Variants in QSOX2 observed in about 807,000 individuals in gnomAD.
QSOX2 encodes the protein quiescin sulfhydryl oxidase 2.
A neutral mutation model predicts 61.7 loss-of-function variants in QSOX2; 46 were observed. The observed-to-expected ratio is 0.75, with a 90% CI of 0.59 to 0.95. QSOX2 has a LOEUF of 0.95. Among genes scored for constraint, QSOX2 ranks in the 40% least tolerant of loss-of-function variants. QSOX2 has a pLI of 0.00. For synonymous variants in QSOX2, 383 were observed against 388.4 expected, an observed-to-expected ratio of 0.99 and a Z score of 0.16; for missense variants, 879 against 918.9, an observed-to-expected ratio of 0.96 and a Z score of 0.56.
intron 2 of QSOX2, 73 bp from the exon 3 acceptor site, chr9:136,224,982 G>A: frequency 2.7e-6 from 3 of 1,093,622 alleles, no homozygotes; most frequent in East Asian, 2.5e-5. Context: ...GCAACAAAAC[G>A]CCCGTCACCT....
rs9696646 is a variant in QSOX2 at position 136,210,101 on chromosome 9, G to T, written c.1550-826C>A. Reference sequence around the variant, plus strand: ...CCAGTCACTGACTGCGTGCTTATCCGGCCAACCGGCAGCAGGTGCTGCACA... The same window carrying T: ...CCAGTCACTGACTGCGTGCTTATCCTGCCAACCGGCAGCAGGTGCTGCACA... On this transcript the variant is annotated intron_variant, in intron 11 of 11. Coordinates refer to ENST00000358701, the MANE Select transcript of QSOX2 (RefSeq NM_181701.4). 8,427 of 985,430 alleles carry T rather than the reference G, an allele frequency of 8.6e-3. 579 individuals are homozygous for T. In the African/African-American group the frequency reaches 0.13, roughly 16 times the overall value. 61.0% of individuals were successfully genotyped at this position (985,430 alleles called of 1,614,324 possible).
rs1830465110 is a variant in QSOX2, at chr9:136,245,482, C to A, written c.322G>T (p.Val108Leu). Residue 108 changes from valine to leucine, a missense_variant, in exon 1 of 12, where the codon GTG becomes TTG. Val to Leu is a conservative substitution (Grantham distance 32, BLOSUM62 1). Coordinates refer to ENST00000358701, the MANE Select transcript of QSOX2 (RefSeq NM_181701.4). ...APTWRALAGDVRDWASAIRVA... is the reference protein window; with the variant it reads ...APTWRALAGDLRDWASAIRVA... The stretch of plus-strand genomic sequence containing the variant: ...GCGCGGGGGCGCGCCTCACCTCGCA[C>A]ATCCCCAGCCAGGGCCCGCCAAGTG... 1.3e-6 allele frequency: 2 copies of A among 1,590,936 alleles called. No individual in the cohort carries two copies. The highest frequency in any genetic ancestry group is 1.4e-5 in the African/African-American group (1 of 73,836).
At chr9:136,215,396 G>A (rs1329857386) in intron 9 of QSOX2, 92 bp from the exon 10 acceptor site, 10 of 829,876 alleles carry the variant, frequency 1.2e-5, no homozygotes, top group African/African-American at 7.2e-5. Context: ...ACTGGGGGGG[G>A]TGGATAATGG....
intron 1 of QSOX2, among the ~76,000 whole-genome samples, chr9:136,245,049 A>C (rs782009146): frequency 2.0e-5 from 3 of 152,160 alleles, no homozygotes; most frequent in Non-Finnish European, 4.4e-5. Flanking sequence ...AATTCTGGGC[A>C]CTGGGGATGG....
At position 136,222,008 on chromosome 9, in the gene QSOX2, G is replaced by A; in HGVS notation, c.676-67C>T. The A allele has an allele frequency of 6.8e-7, 1 of 1,468,272 alleles. No homozygotes were observed. The highest frequency in any genetic ancestry group is 9.1e-7 in the Non-Finnish European group (1 of 1,096,540). 91.0% of individuals were successfully genotyped at this position (1,468,272 alleles called of 1,614,324 possible). ...AGTTTCTCAGAAAACACGACGTGCAGACACATGGCCTTGCAGGGAACCTTT... is the reference window on the plus strand; with the variant it reads ...AGTTTCTCAGAAAACACGACGTGCAAACACATGGCCTTGCAGGGAACCTTT... On this transcript the variant is annotated intron_variant, in intron 5 of 11. Transcript: ENST00000358701. This position sits in a 1 kb window ranked among gnomAD's most constrained non-coding sequence, Gnocchi z 6.9.
chr9:136,219,653 C>G (rs1831958053), intron 6 of QSOX2, among the ~76,000 whole-genome samples: 1 of 152,072 alleles, frequency 6.6e-6, no homozygotes, highest in Non-Finnish European at 1.5e-5. Context: ...TGGAGCTGAG[C>G]CCCCTGTGTG....
Position 136,208,884 on chromosome 9 carries a change from C to T in QSOX2, c.1941G>A (p.Gly647=). ...AGTCAACCCCGAGGAAGGGTGCGGC[C>T]CCGCCCACCTCCTTGTGGGCCCCGG... is the stretch of plus-strand genomic sequence containing the variant. ...DGPGAHKEVG[G]AAPFLGVDFS... The change falls in exon 12 of 12, where the codon GGG becomes GGA. Residue 647 remains glycine, a synonymous_variant. Transcript: ENST00000358701. 1 of 1,613,994 alleles carries T rather than the reference C, an allele frequency of 6.2e-7. No individual in the cohort carries two copies. The highest frequency in any genetic ancestry group is 8.5e-7 in the Non-Finnish European group (1 of 1,180,028).
In QSOX2 at chr9:136,215,281, A is replaced by G; in HGVS notation, c.1233T>C (p.Asn411=). The G allele has an allele frequency of 6.2e-7, 1 of 1,613,734 alleles. No homozygotes were observed. The highest frequency in any genetic ancestry group is 8.5e-7 in the Non-Finnish European group (1 of 1,179,928). Residue 411 remains asparagine, a synonymous_variant, in exon 10 of 12, where the codon AAT becomes AAC. Coordinates refer to ENST00000358701, the MANE Select transcript of QSOX2 (RefSeq NM_181701.4). ...KMRISGIFLT[N]HIKWVGCQGS... ...CTTGACATCCAACCCACTTTATGTG[A>G]TTAGTAAGGAATATTCCAGAAATCT...
chr9:136,232,691 T>C (rs1226517204), intron 1 of QSOX2, among the ~76,000 whole-genome samples: 1 of 152,020 alleles, frequency 6.6e-6, no homozygotes, highest in Admixed American at 6.6e-5. Flanking sequence ...CCAAGCACTT[T>C]GTGAGGCTGA....
chr9:136,215,112 G>A, intron 10 of QSOX2, 42 bp downstream of exon 10: 1 of 1,596,708 alleles, frequency 6.3e-7, no homozygotes, highest in Middle Eastern at 1.7e-4. Context: ...TAACTTGTTA[G>A]GCAGACCATC....
intron 10 of QSOX2, among the ~76,000 whole-genome samples, chr9:136,212,047 C>A (rs996215936): frequency 1.3e-5 from 2 of 152,252 alleles, no homozygotes; most frequent in Non-Finnish European, 2.9e-5. Flanking sequence ...TGGGCAGGCA[C>A]AGGGACGGGT....
chr9:136,218,897 AG>A, intron 7 of QSOX2, 89 bp from the exon 8 acceptor site: 1 of 1,574,262 alleles, frequency 6.4e-7, no homozygotes, highest in Non-Finnish European at 8.6e-7. Flanking sequence ...ACGGACTCCC[AG>A]GGCCCCTGGG....
At position 136,208,146 on chromosome 9, in the gene QSOX2, G is replaced by C. The variant is rs549886050; in HGVS notation, c.*582C>G. 19 of 151,594 alleles carry C rather than the reference G, an allele frequency of 1.3e-4. No homozygotes were observed. Among genetic ancestry groups the C allele is most frequent in the African/African-American group, 4.6e-4 (19 of 41,056 alleles). 9.4% of individuals were successfully genotyped at this position (151,594 alleles called of 1,614,324 possible). A position where few individuals can be genotyped will look rare whatever the true frequency, so the allele number is the denominator to read the frequency against. ...CCTAGGGAAGCAGCTACAAACACAGGATAGTCCCTGGAGCACTTGCTTGGA... is the reference window on the plus strand; with the variant it reads ...CCTAGGGAAGCAGCTACAAACACAGCATAGTCCCTGGAGCACTTGCTTGGA... On this transcript the variant is annotated 3_prime_UTR_variant, in exon 12 of 12. Coordinates refer to ENST00000358701, the MANE Select transcript of QSOX2 (RefSeq NM_181701.4).
At chr9:136,234,509 T>C (rs2131066104) in intron 1 of QSOX2, among the ~76,000 whole-genome samples, 1 of 152,306 alleles carries the variant, frequency 6.6e-6, no homozygotes, top group Non-Finnish European at 1.5e-5. Context: ...CGCACCATCC[T>C]AGAGCAACGG....
rs1204183369 is a variant in QSOX2 at position 136,208,931 on chromosome 9, T to C, written c.1894A>G (p.Lys632Glu). ...CCGGGCCCATCCAGACTCTGGAGTTTCCCGTCCAAGCTGTGATGCAAGCTC... is the reference window on the plus strand; with the variant it reads ...CCGGGCCCATCCAGACTCTGGAGTTCCCCGTCCAAGCTGTGATGCAAGCTC... ...PESLHHSLDGKLQSLDGPGAH... is the reference protein window; with the variant it reads ...PESLHHSLDGELQSLDGPGAH... Residue 632 changes from lysine to glutamate, a missense_variant, in exon 12 of 12, where the codon AAA becomes GAA. By Grantham distance (56) the Lys-to-Glu change is moderately conservative. Transcript: ENST00000358701. 2.5e-6 allele frequency: 4 copies of C among 1,613,764 alleles called. No individual in the cohort carries two copies. Among genetic ancestry groups the C allele is most frequent in the Non-Finnish European group, 3.4e-6 (4 of 1,179,904 alleles).
chr9:136,226,240 C>G (rs1830278869), intron 2 of QSOX2, among the ~76,000 whole-genome samples: 1 of 152,238 alleles, frequency 6.6e-6, no homozygotes, highest in African/African-American at 2.4e-5. Context: ...CCCGCAGGTA[C>G]ACACATGCTA....
chr9:136,217,505 G>C (rs977187567), intron 8 of QSOX2, among the ~76,000 whole-genome samples: 1 of 152,162 alleles, frequency 6.6e-6, no homozygotes, highest in Non-Finnish European at 1.5e-5. Flanking sequence ...ATTTTCTCCC[G>C]TGCAGGTTAA....
intron 1 of QSOX2, among the ~76,000 whole-genome samples, chr9:136,234,997 AC>A (rs1404857600): frequency 6.6e-6 from 1 of 151,944 alleles, no homozygotes; most frequent in African/African-American, 2.4e-5. Flanking sequence ...ATCTGAGTCT[AC>A]CCTGACCGCT....
chr9:136,230,178 C>G lies in QSOX2; in HGVS notation c.329-3304G>C, dbSNP rs552537432. On this transcript the variant is annotated intron_variant, in intron 1 of 11. Transcript: ENST00000358701. ...CCTGTAGTCCCAGCTACTTGGGAAG[C>G]TGAGGCAAGAGAATGGCATGAACCC... is the stretch of plus-strand genomic sequence containing the variant. Among the ~76,000 whole-genome samples, 237 of 152,326 alleles carry G rather than the reference C, an allele frequency of 1.6e-3. 1 individual carries two copies. Among genetic ancestry groups the G allele is most frequent in the Non-Finnish European group, 2.8e-3 (191 of 68,038 alleles).
Sources: allele counts gnomAD v4.1 joint callset (sites outside exome capture counted in the v4.1 genomes callset), GRCh38; gene constraint gnomAD v4.1.1; non-coding constraint Gnocchi (gnomAD v3.1); transcripts MANE v1.5; gene names NCBI Gene and HGNC (gene_info 2026-07-23, HGNC 2026-07-21).